The following DYNC1I2 variants were observed in gnomAD, a reference collection of about 807,000 sequenced individuals.
The protein encoded by DYNC1I2 is dynein cytoplasmic 1 intermediate chain 2, also known as cytoplasmic dynein 1 intermediate chain 2.
DYNC1I2 carries 53 observed loss-of-function variants against 88.6 expected under a neutral mutation model. That is an observed-to-expected ratio of 0.60 (90% CI 0.48 to 0.75). The LOEUF (loss-of-function observed/expected upper bound fraction) is 0.75. DYNC1I2 is among the 30% of genes least tolerant of loss of function. DYNC1I2 has a pLI of 0.00. For synonymous variants in DYNC1I2, 198 were observed against 254.6 expected (o/e 0.78, Z 2.12); for missense variants, 458 against 766.6 (o/e 0.60, Z 4.75).
At chr2:171,695,990 C>G (rs1685739226) in intron 3 of DYNC1I2, among the ~76,000 whole-genome samples, 1 of 152,180 alleles carries the variant, frequency 6.6e-6, no homozygotes. Context: ...TTTAACCATT[C>G]AAGTTTTCCC....
intron 3 of DYNC1I2, among the ~76,000 whole-genome samples, chr2:171,702,079 G>A (rs951656869): frequency 3.9e-5 from 6 of 152,148 alleles, no homozygotes; most frequent in Admixed American, 2.0e-4. Flanking sequence ...TAATGTGTAG[G>A]CATGTGAGAT....
chr2:171,728,950 G>A, intron 14 of DYNC1I2, 100 bp downstream of exon 14: 1 of 1,276,878 alleles, frequency 7.8e-7, no homozygotes, highest in Non-Finnish European at 1.1e-6. Flanking sequence ...AGATCTACTT[G>A]TTATTTGTGA....
At chr2:171,709,637 T>C (rs1437833114) in intron 5 of DYNC1I2, among the ~76,000 whole-genome samples, 1 of 152,218 alleles carries the variant, frequency 6.6e-6, no homozygotes, top group Admixed American at 6.5e-5. Context: ...TATTTGTTCT[T>C]GTTAGATAAT....
intron 7 of DYNC1I2, among the ~76,000 whole-genome samples, chr2:171,718,834 G>A (rs1455394656): frequency 1.3e-5 from 2 of 152,114 alleles, no homozygotes; most frequent in East Asian, 3.9e-4. Context: ...CATCTGTAAT[G>A]CTGTCACCAA....
chr2:171,715,512 C>T, intron 7 of DYNC1I2, 69 bp downstream of exon 7: 1 of 1,053,298 alleles, frequency 9.5e-7, no homozygotes, highest in Non-Finnish European at 1.3e-6. Flanking sequence ...TTTTTTTCTT[C>T]CTTTGATTTT....
At chr2:171,737,446 C>T (rs2105751281) in intron 15 of DYNC1I2, among the ~76,000 whole-genome samples, 1 of 152,250 alleles carries the variant, frequency 6.6e-6, no homozygotes, top group Admixed American at 6.5e-5. Context: ...GACTCGTGAC[C>T]ATACTCTGTT....
intron 3 of DYNC1I2, among the ~76,000 whole-genome samples, chr2:171,696,075 A>G (rs78288078): frequency 0.012 from 1,897 of 152,248 alleles, 18 homozygotes; most frequent in Non-Finnish European, 0.02. Flanking sequence ...ATGTATAGGC[A>G]TTCTTTGTGT....
intron 7 of DYNC1I2, among the ~76,000 whole-genome samples, chr2:171,718,130 T>C (rs971861047): frequency 3.3e-5 from 5 of 151,800 alleles, no homozygotes; most frequent in African/African-American, 1.2e-4. Context: ...CTAATCTTTG[T>C]ATTTTTGGTA....
At chr2:171,723,357 C>G (rs1688022367) in intron 7 of DYNC1I2, among the ~76,000 whole-genome samples, 1 of 152,128 alleles carries the variant, frequency 6.6e-6, no homozygotes, top group African/African-American at 2.4e-5. Context: ...CTAGTAAACA[C>G]TTGATTAGGA....
At chr2:171,732,725 A>G (rs913556850) in intron 15 of DYNC1I2, among the ~76,000 whole-genome samples, 2 of 152,188 alleles carry the variant, frequency 1.3e-5, no homozygotes, top group Non-Finnish European at 2.9e-5. Flanking sequence ...TATTTCTCCA[A>G]AGGCTTCATA....
At chr2:171,713,148 T>A (rs1687246146) in intron 6 of DYNC1I2, among the ~76,000 whole-genome samples, 1 of 152,148 alleles carries the variant, frequency 6.6e-6, no homozygotes, top group Non-Finnish European at 1.5e-5. Context: ...TCAGGGTTAC[T>A]TGATATGAAT....
Position 171,690,150 on chromosome 2 carries a change from A to G in DYNC1I2, c.-6A>G. 2 of 1,542,948 alleles carry G rather than the reference A, an allele frequency of 1.3e-6. No homozygotes were observed. Among genetic ancestry groups the G allele is most frequent in the Non-Finnish European group, 1.7e-6 (2 of 1,142,864 alleles). ...ATAATGATTATATGTTTCTAAGGTC[A>G]CAAACATGTCAGACAAAAGTGAATT... On this transcript the variant is annotated 5_prime_UTR_variant, in exon 2 of 18. Transcript: ENST00000397119.
rs573044644 is a variant in DYNC1I2, at chr2:171,738,866, C to T, written c.1537-5183C>T. 4.3e-4 allele frequency among the ~76,000 whole-genome samples: 65 copies of T among 152,178 alleles called. No homozygotes were observed. The Middle Eastern group carries it at 0.014, about 32-fold the overall frequency. On this transcript the variant is annotated intron_variant, in intron 15 of 17. Coordinates refer to ENST00000397119, the MANE Select transcript of DYNC1I2 (RefSeq NM_001378.3). ...CATCCTAGGTTGAAAACCACCTTCT[C>T]GGCCAGGCATGGTGGCTCACGCCTG...
chr2:171,721,047 G>A (rs1687864313), intron 7 of DYNC1I2, among the ~76,000 whole-genome samples: 1 of 148,614 alleles, frequency 6.7e-6, no homozygotes, highest in African/African-American at 2.5e-5. Context: ...AGGTACTCAG[G>A]AGGCTGAGAC....
chr2:171,740,798 T>C (rs1689369435), intron 15 of DYNC1I2, among the ~76,000 whole-genome samples: 2 of 152,220 alleles, frequency 1.3e-5, no homozygotes, highest in Non-Finnish European at 2.9e-5. Context: ...AACAGTTTTA[T>C]TGAGCAAAAC....
chr2:171,694,590 G>A (rs537731162), intron 3 of DYNC1I2, among the ~76,000 whole-genome samples: 1 of 152,144 alleles, frequency 6.6e-6, no homozygotes, highest in East Asian at 1.9e-4. Flanking sequence ...CTGGGAGGCA[G>A]AGGTTGTGGT....
intron 7 of DYNC1I2, among the ~76,000 whole-genome samples, chr2:171,722,105 G>C (rs1687941850): frequency 6.6e-6 from 1 of 152,104 alleles, no homozygotes; most frequent in Non-Finnish European, 1.5e-5. Flanking sequence ...CCTTCCTTCA[G>C]TTTAACAAAA....
intron 8 of DYNC1I2, 37 bp downstream of exon 8, chr2:171,725,750 A>T: frequency 7.2e-7 from 1 of 1,385,286 alleles, no homozygotes; most frequent in Non-Finnish European, 9.6e-7. Flanking sequence ...CATTTTGTTG[A>T]TTTCTGTTAA....
Position 171,709,248 on chromosome 2 carries a change from A to C in DYNC1I2, c.335+1871A>C, listed in dbSNP as rs1363422678. Among the ~76,000 whole-genome samples, 4 of 152,312 alleles carry C rather than the reference A, an allele frequency of 2.6e-5. No homozygotes were observed. The East Asian group carries it at 7.7e-4, about 29-fold the overall frequency. ...CAAGTTTGCTTTCAAAAGTACTTTGACACTTAAGTTTTTTAAATTAATGTG... is the reference window on the plus strand; with the variant it reads ...CAAGTTTGCTTTCAAAAGTACTTTGCCACTTAAGTTTTTTAAATTAATGTG... On this transcript the variant is annotated intron_variant, in intron 5 of 17. Coordinates refer to ENST00000397119, the MANE Select transcript of DYNC1I2 (RefSeq NM_001378.3).
Sources: allele counts gnomAD v4.1 joint callset (sites outside exome capture counted in the v4.1 genomes callset), GRCh38; gene constraint gnomAD v4.1.1; transcripts MANE v1.5; gene names NCBI Gene and HGNC (gene_info 2026-07-23, HGNC 2026-07-21).